Variants in CCSER1 observed in about 807,000 individuals in gnomAD.
CCSER1 encodes serine-rich coiled-coil domain-containing protein 1.
In CCSER1, 41 loss-of-function variants were observed where a neutral mutation model predicts 82.0. The observed-to-expected ratio is 0.50, with a 90% CI of 0.39 to 0.65. CCSER1 has a LOEUF of 0.65. Among genes scored for constraint, CCSER1 ranks in the 30% least tolerant of loss-of-function variants. CCSER1 has a pLI of 0.00. For synonymous variants in CCSER1, 414 were observed against 383.9 expected, an observed-to-expected ratio of 1.08 and a Z score of -0.92; for missense variants, 1,119 against 1,064.2, an observed-to-expected ratio of 1.05 and a Z score of -0.72.
chr4:91,579,818 C>T (rs897654450), intron 10 of CCSER1, among the ~76,000 whole-genome samples: 10 of 151,822 alleles, frequency 6.6e-5, no homozygotes, highest in Non-Finnish European at 1.3e-4. Context: ...ACTCCAAAAG[C>T]AGTCTTTACT....
chr4:90,854,989 G>A (rs191192935), intron 8 of CCSER1, among the ~76,000 whole-genome samples: 2 of 75,284 alleles, frequency 2.7e-5, no homozygotes, highest in East Asian at 2.9e-4. Context: ...GCACGAGAGA[G>A]TGTGTGTGTG....
At chr4:91,099,520 G>T (rs1385388640) in intron 10 of CCSER1, among the ~76,000 whole-genome samples, 1 of 152,148 alleles carries the variant, frequency 6.6e-6, no homozygotes, top group East Asian at 1.9e-4. Context: ...CCATGACATA[G>T]CCCTCAGGAG....
intron 1 of CCSER1, among the ~76,000 whole-genome samples, chr4:90,177,721 A>C (rs759474660): frequency 2.0e-4 from 30 of 152,240 alleles, no homozygotes; most frequent in Non-Finnish European, 3.4e-4. Context: ...TCTTCACAAG[A>C]CTAGCTCTTT....
chr4:90,593,360 G>A (rs1026638077), intron 5 of CCSER1, among the ~76,000 whole-genome samples: 2 of 152,014 alleles, frequency 1.3e-5, no homozygotes, highest in East Asian at 1.9e-4. Flanking sequence ...CACAAAGCAC[G>A]GAAAGAATGA....
At chr4:90,295,791 A>G (rs1023140851) in intron 1 of CCSER1, among the ~76,000 whole-genome samples, 1 of 152,046 alleles carries the variant, frequency 6.6e-6, no homozygotes, top group African/African-American at 2.4e-5. Flanking sequence ...GCTAGTGTCC[A>G]GTTTTGACCA....
chr4:90,225,856 T>G (rs546363226), intron 1 of CCSER1, among the ~76,000 whole-genome samples: 1 of 152,350 alleles, frequency 6.6e-6, no homozygotes, highest in East Asian at 1.9e-4. Flanking sequence ...GCTTTGCTGC[T>G]TCTCTCATCA....
intron 6 of CCSER1, among the ~76,000 whole-genome samples, chr4:90,687,627 A>G (rs1735052521): frequency 6.6e-6 from 1 of 152,166 alleles, no homozygotes; most frequent in Non-Finnish European, 1.5e-5. Context: ...AATTAGGAAT[A>G]GAAACATTCC....
chr4:90,903,038 A>G (rs1724897641), intron 8 of CCSER1, among the ~76,000 whole-genome samples: 1 of 152,104 alleles, frequency 6.6e-6, no homozygotes, highest in South Asian at 2.1e-4. Flanking sequence ...GCTGGCAGGT[A>G]CACCCTTTGG....
intron 10 of CCSER1, among the ~76,000 whole-genome samples, chr4:91,113,412 A>G (rs1417724989): frequency 6.6e-6 from 1 of 152,208 alleles, no homozygotes; most frequent in African/African-American, 2.4e-5. Flanking sequence ...TAATTCTGCA[A>G]AGCAGGTATT....
chr4:90,227,327 GAC>G (rs1206382855), intron 1 of CCSER1, among the ~76,000 whole-genome samples: 1 of 152,232 alleles, frequency 6.6e-6, no homozygotes, highest in Non-Finnish European at 1.5e-5. Context: ...AAGTAGAGAA[GAC>G]ATCTGTCTAA....
intron 10 of CCSER1, among the ~76,000 whole-genome samples, chr4:91,482,729 T>G (rs556323702): frequency 6.6e-6 from 1 of 152,076 alleles, no homozygotes; most frequent in East Asian, 1.9e-4. Flanking sequence ...ATTAAGAAAA[T>G]GTGGCACATA....
At chr4:90,870,301 T>C (rs1766295557) in intron 8 of CCSER1, among the ~76,000 whole-genome samples, 1 of 151,900 alleles carries the variant, frequency 6.6e-6, no homozygotes, top group African/African-American at 2.4e-5. Context: ...AGTTTTTCTC[T>C]GTTCACTATG....
At chr4:90,539,416 C>G (rs966162165) in intron 5 of CCSER1, among the ~76,000 whole-genome samples, 2 of 152,042 alleles carry the variant, frequency 1.3e-5, no homozygotes, top group Admixed American at 6.6e-5. Flanking sequence ...TCAGACTTTC[C>G]TAGCAAAATC....
chr4:91,560,465 TAAAAC>T (rs1380510475), intron 10 of CCSER1, among the ~76,000 whole-genome samples: 3 of 151,530 alleles, frequency 2.0e-5, no homozygotes, highest in African/African-American at 7.3e-5. Context: ...TATTCTTATT[TAAAAC>T]AAAACAATTT....
intron 8 of CCSER1, among the ~76,000 whole-genome samples, chr4:90,816,544 T>C (rs1215472336): frequency 2.0e-5 from 3 of 152,060 alleles, no homozygotes; most frequent in African/African-American, 7.2e-5. Flanking sequence ...GTGCACTCAA[T>C]ATAAATTTTA....
At chr4:90,531,876 C>T (rs1774579894) in intron 5 of CCSER1, among the ~76,000 whole-genome samples, 1 of 151,948 alleles carries the variant, frequency 6.6e-6, no homozygotes, top group South Asian at 2.1e-4. Flanking sequence ...GTCAGCATGA[C>T]TTGTATAACA....
chr4:90,746,054 C>G (rs1373876451), intron 7 of CCSER1, among the ~76,000 whole-genome samples: 1 of 152,088 alleles, frequency 6.6e-6, no homozygotes, highest in Non-Finnish European at 1.5e-5. Context: ...CTTGTACTTT[C>G]CATTTAGTGC....
chr4:91,255,069 A>T (rs1740575618), intron 10 of CCSER1, among the ~76,000 whole-genome samples: 1 of 152,154 alleles, frequency 6.6e-6, no homozygotes, highest in Non-Finnish European at 1.5e-5. Flanking sequence ...ACTGTCAAGC[A>T]GAAAGATAAA....
At chr4:91,048,339 TC>T (rs1189060045) in intron 9 of CCSER1, among the ~76,000 whole-genome samples, 4 of 151,022 alleles carry the variant, frequency 2.6e-5, no homozygotes, top group Non-Finnish European at 4.4e-5. Context: ...TTCATTTTTT[TC>T]CTCTGACATT....
Sources: allele counts gnomAD v4.1 joint callset (sites outside exome capture counted in the v4.1 genomes callset), GRCh38; gene constraint gnomAD v4.1.1; transcripts MANE v1.5; gene names NCBI Gene and HGNC (gene_info 2026-07-23, HGNC 2026-07-21).